LRP1B: variants seen among roughly 807,000 people sequenced by gnomAD.
The protein encoded by LRP1B is LDL receptor related protein 1B.
LRP1B carries 217 observed loss-of-function variants against 556.6 expected under a neutral mutation model. That is an observed-to-expected ratio of 0.39 (90% CI 0.35 to 0.44). LRP1B has a LOEUF of 0.44. LRP1B is among the 20% of genes least tolerant of loss of function. The probability of loss-of-function intolerance (pLI) is 1.00; values close to 1 mark genes in which losing one functional copy is unlikely to be tolerated. For synonymous variants in LRP1B, 2,047 were observed against 1,865.8 expected (o/e 1.10, Z -2.50); for missense variants, 5,053 against 5,620.8 (o/e 0.90, Z 3.23).
chr2:141,229,191 G>A lies in LRP1B; in HGVS notation c.842C>T (p.Ser281Phe), dbSNP rs765518105. ...TTAATTGAAACACTTACTGTGGAAG[G>A]ATTGAAGAATATTGATTGTCCATTC... ...TDEWTINILQ[S>F]FHNVQQMAID... Residue 281 changes from serine (S) to phenylalanine (F), a missense_variant, in exon 6 of 91, where the codon TCC becomes TTC. Around this residue, in one of 5 missense-constraint regions of LRP1B, gnomAD observed 3,619 missense variants for 3,931.9 expected, o/e 0.92. Transcript: ENST00000389484. 6 of 1,612,812 alleles carry A rather than the reference G, an allele frequency of 3.7e-6. No homozygotes were observed. The highest frequency in any genetic ancestry group is 4.2e-6 in the Non-Finnish European group (5 of 1,179,348).
At chr2:141,856,226 C>T (rs898693133) in intron 1 of LRP1B, among the ~76,000 whole-genome samples, 1 of 152,054 alleles carries the variant, frequency 6.6e-6, no homozygotes, top group African/African-American at 2.4e-5. Flanking sequence ...TATAACCTAT[C>T]CAAAAATCTT....
At position 141,769,006 on chromosome 2, in the gene LRP1B, C is replaced by T. The variant is rs535458218; in HGVS notation, c.205+41273G>A. The stretch of plus-strand genomic sequence containing the variant: ...CTAAGTGGTAGAGACAATTATTATT[C>T]CCATTTTGCAGATGAGGAAACCATG... On this transcript the variant is annotated intron_variant, in intron 2 of 90. Coordinates refer to ENST00000389484, the MANE Select transcript of LRP1B (RefSeq NM_018557.3). Among the ~76,000 whole-genome samples the T allele has an allele frequency of 3.3e-5, 5 of 151,996 alleles. No homozygotes were observed. In the South Asian group the frequency reaches 1.0e-3, roughly 32 times the overall value.
chr2:141,617,355 A>G (rs1160903499), intron 2 of LRP1B, among the ~76,000 whole-genome samples: 2 of 152,192 alleles, frequency 1.3e-5, no homozygotes. Context: ...TGGAAAATAA[A>G]CAGACTAACT....
intron 3 of LRP1B, among the ~76,000 whole-genome samples, chr2:141,428,295 C>A (rs1456451335): frequency 6.6e-6 from 1 of 152,088 alleles, no homozygotes; most frequent in East Asian, 1.9e-4. Context: ...CAAGTCAATG[C>A]TATTGTTCAC....
At chr2:140,444,771 A>G in intron 63 of LRP1B, 92 bp from the exon 64 acceptor site, 1 of 750,470 alleles carries the variant, frequency 1.3e-6, no homozygotes, top group Non-Finnish European at 2.3e-6. Context: ...ATTTACTATA[A>G]TAAATATATC....
In LRP1B at chr2:140,598,855, T is replaced by C. The variant is rs1682545423; in HGVS notation, c.6990-20A>G. On this transcript the variant is annotated intron_variant, in intron 42 of 90. Coordinates refer to ENST00000389484, the MANE Select transcript of LRP1B (RefSeq NM_018557.3). ...ATTAAACTAATTAAAATGAAAATTGTAACTATAAATTAAACTTCTCATCAA... is the reference window on the plus strand; with the variant it reads ...ATTAAACTAATTAAAATGAAAATTGCAACTATAAATTAAACTTCTCATCAA... The C allele has an allele frequency of 6.7e-7, 1 of 1,486,568 alleles. No homozygotes were observed. The highest frequency in any genetic ancestry group is 1.4e-5 in the African/African-American group (1 of 71,806). 92.1% of individuals were successfully genotyped at this position (1,486,568 alleles called of 1,614,324 possible).
chr2:140,989,717 T>C (rs185340010), intron 16 of LRP1B, 60 bp from the exon 17 acceptor site: 559 of 1,555,012 alleles, frequency 3.6e-4, no homozygotes, highest in Admixed American at 8.5e-4. Context: ...GTGAATATTT[T>C]GAATGATAGT....
At chr2:140,523,084 A>C (rs913286753) in intron 49 of LRP1B, among the ~76,000 whole-genome samples, 5 of 151,902 alleles carry the variant, frequency 3.3e-5, no homozygotes, top group African/African-American at 7.2e-5. Context: ...AAGATACAAC[A>C]ACCACCACAG....
rs538671991 is a variant in LRP1B, at chr2:141,298,600, C to T, written c.344-43959G>A. Among the ~76,000 whole-genome samples the T allele has an allele frequency of 7.9e-5, 12 of 152,206 alleles. No homozygotes were observed. The South Asian group carries it at 2.3e-3, about 29-fold the overall frequency. ...AGAAGCTTCTAATTTGGAGCCCTCC[C>T]AGACATTCCTGTGCATCTTTTCCTT... On this transcript the variant is annotated intron_variant, in intron 3 of 90. Transcript: ENST00000389484.
intron 3 of LRP1B, among the ~76,000 whole-genome samples, chr2:141,443,814 C>A (rs1426307826): frequency 6.6e-6 from 1 of 152,154 alleles, no homozygotes; most frequent in Non-Finnish European, 1.5e-5. Context: ...TACTACCATG[C>A]TGTTTTGATT....
intron 41 of LRP1B, among the ~76,000 whole-genome samples, chr2:140,669,166 T>A (rs566794023): frequency 6.6e-6 from 1 of 152,188 alleles, no homozygotes; most frequent in Non-Finnish European, 1.5e-5. Context: ...TAGTAGGAAT[T>A]TAATTTCCCA....
chr2:142,018,136 G>C (rs532803225), intron 1 of LRP1B, among the ~76,000 whole-genome samples: 140 of 152,208 alleles, frequency 9.2e-4, no homozygotes, highest in African/African-American at 2.7e-3. Context: ...GCTAGAATGA[G>C]TTATCAACTA....
chr2:141,535,323 C>G (rs906470489), intron 2 of LRP1B, among the ~76,000 whole-genome samples: 1 of 152,060 alleles, frequency 6.6e-6, no homozygotes, highest in Non-Finnish European at 1.5e-5. Context: ...CACGTAAAGT[C>G]TAGCAAAACT....
At chr2:140,310,869 C>G (rs1408552127) in intron 83 of LRP1B, among the ~76,000 whole-genome samples, 2 of 151,814 alleles carry the variant, frequency 1.3e-5, no homozygotes, top group African/African-American at 4.8e-5. Flanking sequence ...ACTTCAAAAG[C>G]AAATGCATCA....
At chr2:141,737,146 A>G (rs1233300486) in intron 2 of LRP1B, among the ~76,000 whole-genome samples, 2 of 152,066 alleles carry the variant, frequency 1.3e-5, no homozygotes, top group Non-Finnish European at 2.9e-5. Flanking sequence ...GAGGTGAGGA[A>G]TTTGAGACCA....
At chr2:140,935,782 G>A (rs929777531) in intron 20 of LRP1B, among the ~76,000 whole-genome samples, 1 of 151,982 alleles carries the variant, frequency 6.6e-6, no homozygotes, top group African/African-American at 2.4e-5. Flanking sequence ...CATCACATAT[G>A]AGAGATCCTC....
intron 35 of LRP1B, among the ~76,000 whole-genome samples, chr2:140,731,224 T>C (rs1245562409): frequency 6.6e-6 from 1 of 152,208 alleles, no homozygotes. Context: ...AGTTATACTT[T>C]ACACAGAGGT....
At chr2:140,263,185 C>T (rs768818295) in intron 86 of LRP1B, among the ~76,000 whole-genome samples, 3 of 152,100 alleles carry the variant, frequency 2.0e-5, no homozygotes, top group Non-Finnish European at 4.4e-5. Context: ...TCCCAAAGTG[C>T]TGGGGTTACA....
rs1688402376 is a variant in LRP1B, at chr2:140,484,875, C to T, written c.9425+468G>A. Reference sequence around the variant, plus strand: ...CCAATAGTCCCATTCAGCTTTTCATCTTGAAGGCACATGATAATGCACCCT... The same window carrying T: ...CCAATAGTCCCATTCAGCTTTTCATTTTGAAGGCACATGATAATGCACCCT... On this transcript the variant is annotated intron_variant, in intron 59 of 90. Transcript: ENST00000389484. Among the ~76,000 whole-genome samples, 4 of 152,062 alleles carry T rather than the reference C, an allele frequency of 2.6e-5. No homozygotes were observed. In the South Asian group the frequency reaches 8.3e-4, roughly 31 times the overall value.
Sources: gnomAD v4.1 joint callset for allele counts (sites outside exome capture counted in the v4.1 genomes callset) on GRCh38, gnomAD v4.1.1 for gene constraint, gnomAD v4.1.1 regional missense constraint, MANE v1.5 for transcripts, NCBI Gene and HGNC (gene_info 2026-07-23, HGNC 2026-07-21) for gene names.